The following PCDHGA8 variants were observed in gnomAD, a reference collection of about 807,000 sequenced individuals.
PCDHGA8 encodes protocadherin gamma subfamily A, 8.
Under a neutral mutation model 59.2 loss-of-function variants are expected in PCDHGA8, and 45 were observed. The observed-to-expected ratio is 0.76, with a 90% CI of 0.60 to 0.98. The LOEUF (loss-of-function observed/expected upper bound fraction) is 0.98. PCDHGA8 is among the 50% of genes least tolerant of loss of function. The probability of loss-of-function intolerance (pLI) is 0.00; values close to 1 mark genes in which losing one functional copy is unlikely to be tolerated. For synonymous variants in PCDHGA8, 531 were observed against 519.0 expected (o/e 1.02, Z -0.32); for missense variants, 1,257 against 1,196.2 (o/e 1.05, Z -0.75).
chr5:141,505,803 C>A (rs920849273), intron 3 of PCDHGA8, among the ~76,000 whole-genome samples: 2 of 152,234 alleles, frequency 1.3e-5, no homozygotes, highest in African/African-American at 4.8e-5. Flanking sequence ...GGACTTGGAT[C>A]GACTTGCTCA....
At chr5:141,418,026 T>A (rs2154547454) in intron 1 of PCDHGA8, 1 of 1,613,962 alleles carries the variant, frequency 6.2e-7, no homozygotes, top group East Asian at 2.2e-5. Context: ...GATCTAGGGC[T>A]TAGTGTCCTG....
chr5:141,397,047 G>T (rs180929307), intron 1 of PCDHGA8, among the ~76,000 whole-genome samples: 4 of 152,276 alleles, frequency 2.6e-5, no homozygotes, highest in Admixed American at 2.0e-4. Flanking sequence ...TTATGTAAAT[G>T]AACTTATGAG....
chr5:141,423,260 G>A (rs1402237346), intron 1 of PCDHGA8: 2 of 1,613,996 alleles, frequency 1.2e-6, no homozygotes, highest in South Asian at 1.1e-5. Flanking sequence ...GACCTCGGCA[G>A]CCTCGAGTCT....
chr5:141,407,970 C>T, intron 1 of PCDHGA8: 2 of 716,252 alleles, frequency 2.8e-6, no homozygotes, highest in Non-Finnish European at 4.3e-6. Context: ...CAAGCGCTGA[C>T]GCCGGGGATC....
Position 141,438,902 on chromosome 5 carries a change from G to A in PCDHGA8, c.2424+43665G>A, listed in dbSNP as rs185216039. 2.0e-5 allele frequency among the ~76,000 whole-genome samples: 3 copies of A among 151,906 alleles called. No homozygotes were observed. The East Asian group carries it at 5.8e-4, about 29-fold the overall frequency. On this transcript the variant is annotated intron_variant, in intron 1 of 3. Coordinates refer to ENST00000398604, the MANE Select transcript of PCDHGA8 (RefSeq NM_032088.2). ...GCTGCTCTTGAACTCCTGACCTCAGGTGATCCACCTGCCTTGGCCTCCCAA... is the reference window on the plus strand; with the variant it reads ...GCTGCTCTTGAACTCCTGACCTCAGATGATCCACCTGCCTTGGCCTCCCAA...
intron 1 of PCDHGA8, chr5:141,423,387 G>A (rs373190092): frequency 6.2e-7 from 1 of 1,614,162 alleles, no homozygotes; most frequent in Non-Finnish European, 8.5e-7. Context: ...TGTGGCGCTG[G>A]CATAAGTCAC....
At position 141,393,973 on chromosome 5, in the gene PCDHGA8, G is replaced by A. The variant is rs776954838; in HGVS notation, c.1160G>A (p.Arg387His). ...AATGGTCAAGTTGTCTGTTACACAC[G>A]TGATAATTTACCTTTTAAATTAGAA... Reference protein sequence around the residue: ...GKNGQVVCYTRDNLPFKLEKS... With the variant: ...GKNGQVVCYTHDNLPFKLEKS... The change falls in exon 1 of 4, where the codon CGT (arginine) becomes CAT (histidine). Residue 387 changes from arginine to histidine, a missense_variant. Transcript: ENST00000398604. 3.1e-6 allele frequency: 5 copies of A among 1,613,784 alleles called. No individual in the cohort carries two copies. The South Asian group carries it at 5.5e-5, about 18-fold the overall frequency.
At chr5:141,479,189 G>A (rs1466742057) in intron 1 of PCDHGA8, 3 of 152,358 alleles carry the variant, frequency 2.0e-5, no homozygotes, top group African/African-American at 7.2e-5. Flanking sequence ...AGAAAATTCA[G>A]AAAATACAGA....
intron 1 of PCDHGA8, chr5:141,478,477 C>T: frequency 6.2e-7 from 1 of 1,613,796 alleles, no homozygotes; most frequent in Non-Finnish European, 8.5e-7. Flanking sequence ...GCCGCCAGAA[C>T]ACGCTGCGGA....
intron 1 of PCDHGA8, among the ~76,000 whole-genome samples, chr5:141,455,650 C>T (rs1176718096): frequency 2.6e-5 from 4 of 151,994 alleles, no homozygotes; most frequent in African/African-American, 9.7e-5. Flanking sequence ...AGCCATGTGG[C>T]CAGGAACTTG....
At position 141,392,945 on chromosome 5, in the gene PCDHGA8, C is replaced by A; in HGVS notation, c.132C>A (p.Phe44Leu). ...CAGAAGAGACGGACAAAGGCTCCTT[C>A]GTGGGTAATATCTCCAAGGACCTGG... is the stretch of plus-strand genomic sequence containing the variant. ...SVPEETDKGS[F>L]VGNISKDLGL... Residue 44 changes from phenylalanine (F) to leucine (L), a missense_variant, in exon 1 of 4, where the codon TTC becomes TTA. Phe to Leu is a conservative substitution (Grantham distance 22). Transcript: ENST00000398604. 2 of 1,613,916 alleles carry A rather than the reference C, an allele frequency of 1.2e-6. No homozygotes were observed. The highest frequency in any genetic ancestry group is 1.7e-6 in the Non-Finnish European group (2 of 1,179,888).
intron 1 of PCDHGA8, chr5:141,403,303 C>A: frequency 6.2e-7 from 1 of 1,613,820 alleles, no homozygotes; most frequent in African/African-American, 1.3e-5. Context: ...TGAAACTGTA[C>A]GGAATAGAAA....
intron 1 of PCDHGA8, among the ~76,000 whole-genome samples, chr5:141,468,946 C>T (rs1437282358): frequency 7.0e-6 from 1 of 141,900 alleles, no homozygotes; most frequent in East Asian, 2.0e-4. Context: ...ATGGGGTAAA[C>T]CTGTGGTTTT....
rs1177814811 is a variant in PCDHGA8 at position 141,511,841 on chromosome 5, CTGTTT to C, written c.*675_*679del. The C allele has an allele frequency of 3.2e-5, 5 of 156,826 alleles. No homozygotes were observed. Among genetic ancestry groups the C allele is most frequent in the African/African-American group, 4.8e-5 (2 of 41,458 alleles). The allele number at this position is 156,826 out of a possible 1,614,324, so 9.7% of individuals were successfully genotyped here. ...TCCCAACGCCCTGGGGACCAGTCTT[CTGTTT>C]TGTTTTTCATTGTTTGACGTTTCCA... On this transcript the variant is annotated 3_prime_UTR_variant, in exon 4 of 4. Coordinates refer to ENST00000398604, the MANE Select transcript of PCDHGA8 (RefSeq NM_032088.2).
intron 1 of PCDHGA8, among the ~76,000 whole-genome samples, chr5:141,454,239 A>T (rs1221886368): frequency 6.6e-6 from 1 of 152,200 alleles, no homozygotes; most frequent in Non-Finnish European, 1.5e-5. Context: ...GATGAAAAGG[A>T]TGAAGATGTC....
intron 1 of PCDHGA8, chr5:141,415,772 T>TTC: frequency 7.5e-7 from 1 of 1,332,986 alleles, no homozygotes; most frequent in Non-Finnish European, 9.6e-7. Flanking sequence ...TTTTTTTTTT[T>TTC]ACTTTCTGGT....
chr5:141,473,796 G>A (rs2099328996), intron 1 of PCDHGA8, among the ~76,000 whole-genome samples: 1 of 152,224 alleles, frequency 6.6e-6, no homozygotes, highest in African/African-American at 2.4e-5. Context: ...GCAGTATGAT[G>A]CTACTGAGGA....
chr5:141,428,354 T>G, intron 1 of PCDHGA8: 1 of 572,018 alleles, frequency 1.7e-6, no homozygotes. Context: ...GCAGTGATTT[T>G]GGCGGTCGCC....
chr5:141,446,469 T>C (rs538381725), intron 1 of PCDHGA8, among the ~76,000 whole-genome samples: 2 of 149,740 alleles, frequency 1.3e-5, no homozygotes, highest in South Asian at 4.2e-4. Flanking sequence ...TGATTAGACA[T>C]ATGGTCATCA....
Sources: allele counts gnomAD v4.1 joint callset (sites outside exome capture counted in the v4.1 genomes callset), GRCh38; gene constraint gnomAD v4.1.1; transcripts MANE v1.5; gene names NCBI Gene and HGNC (gene_info 2026-07-23, HGNC 2026-07-21).